The following ERBB4 variants were observed in gnomAD, a reference collection of about 807,000 sequenced individuals.
ERBB4 encodes receptor tyrosine-protein kinase erbB-4.
Under a neutral mutation model 158.0 loss-of-function variants are expected in ERBB4, and 42 were observed. The ratio of observed to expected loss-of-function variants is 0.27; its 90% CI spans 0.21 to 0.34. The LOEUF (loss-of-function observed/expected upper bound fraction) is 0.34, where lower values mean the gene tolerates loss of function less well. Among genes scored for constraint, ERBB4 ranks in the 10% least tolerant of loss-of-function variants. The pLI is 1.00. For synonymous variants in ERBB4, 583 were observed against 558.7 expected, an observed-to-expected ratio of 1.04 and a Z score of -0.61; for missense variants, 1,333 against 1,624.1, an observed-to-expected ratio of 0.82 and a Z score of 3.08.
chr2:211,649,560 A>C (rs1476133481), intron 16 of ERBB4, among the ~76,000 whole-genome samples: 1 of 151,896 alleles, frequency 6.6e-6, no homozygotes, highest in Non-Finnish European at 1.5e-5. Context: ...TTGCTTTGTA[A>C]ATTTATCTTG....
intron 1 of ERBB4, among the ~76,000 whole-genome samples, chr2:212,459,281 T>C (rs934721192): frequency 5.9e-5 from 9 of 152,068 alleles, no homozygotes; most frequent in African/African-American, 2.2e-4. Flanking sequence ...TACACAACTG[T>C]CAATTTATTA....
intron 2 of ERBB4, among the ~76,000 whole-genome samples, chr2:212,119,007 A>G (rs1362075588): frequency 1.3e-5 from 2 of 151,978 alleles, no homozygotes; most frequent in African/African-American, 4.8e-5. Context: ...ATTTTTATTC[A>G]TTTATTAGAA....
At chr2:212,273,730 CT>C (rs1421233567) in intron 1 of ERBB4, among the ~76,000 whole-genome samples, 1 of 151,658 alleles carries the variant, frequency 6.6e-6, no homozygotes, top group African/African-American at 2.4e-5. Context: ...GGATGGTTTC[CT>C]TCACATATAT....
At chr2:212,335,558 G>C (rs922119928) in intron 1 of ERBB4, among the ~76,000 whole-genome samples, 2 of 151,900 alleles carry the variant, frequency 1.3e-5, no homozygotes. Context: ...ATTTTCGTTT[G>C]ATTCAATTAA....
intron 3 of ERBB4, among the ~76,000 whole-genome samples, chr2:211,869,427 C>T (rs1200078305): frequency 2.0e-5 from 3 of 152,150 alleles, no homozygotes; most frequent in Non-Finnish European, 4.4e-5. Context: ...ATATTTCCAA[C>T]CTTCCCAGTT....
chr2:212,216,664 T>C (rs927874856), intron 1 of ERBB4, among the ~76,000 whole-genome samples: 1 of 151,262 alleles, frequency 6.6e-6, no homozygotes, highest in African/African-American at 2.4e-5. Context: ...CAAATATGAG[T>C]GTCAAACTTC....
At position 211,420,626 on chromosome 2, in the gene ERBB4, G is replaced by T. The variant is rs781594620; in HGVS notation, c.2965-15C>A. Reference sequence around the variant, plus strand: ...CGATCATCACCCTAAAAGAAAGATTGCCCATCAGACACAAATATGATTCTT... The same window carrying T: ...CGATCATCACCCTAAAAGAAAGATTTCCCATCAGACACAAATATGATTCTT... On this transcript the variant is annotated splice_polypyrimidine_tract_variant and intron_variant, in intron 24 of 27. Coordinates refer to ENST00000342788, the MANE Select transcript of ERBB4 (RefSeq NM_005235.3). 6.2e-7 allele frequency: 1 copy of T among 1,604,362 alleles called. No individual in the cohort carries two copies. Among genetic ancestry groups the T allele is most frequent in the East Asian group, 2.2e-5 (1 of 44,716 alleles).
At chr2:212,467,852 T>C (rs781492969) in intron 1 of ERBB4, among the ~76,000 whole-genome samples, 3 of 152,112 alleles carry the variant, frequency 2.0e-5, no homozygotes, top group Admixed American at 1.3e-4. Context: ...CACCCGCCCA[T>C]GAAAGCAGCT....
In ERBB4 at chr2:212,299,289, T is replaced by C. The variant is rs561173645; in HGVS notation, c.83-174386A>G. ...ACTTTTGCCATACATTTTGGAATCA[T>C]TATGGTTCATTAAATCCTAATATTG... On this transcript the variant is annotated intron_variant, in intron 1 of 27. Transcript: ENST00000342788. Among the ~76,000 whole-genome samples, 10 of 151,812 alleles carry C rather than the reference T, an allele frequency of 6.6e-5. No homozygotes were observed. In the South Asian group the frequency reaches 1.9e-3, roughly 28 times the overall value.
Position 211,787,069 on chromosome 2 carries a change from C to T in ERBB4, c.556+956G>A, listed in dbSNP as rs192299162. Among the ~76,000 whole-genome samples the T allele has an allele frequency of 1.8e-4, 27 of 152,200 alleles. 1 individual carries two copies. The East Asian group carries it at 5.2e-3, about 29-fold the overall frequency. ...CATATTTCCCATTATATTATTAGGGCCATGATGAAATTTAATAATTGTCCC... is the reference window on the plus strand; with the variant it reads ...CATATTTCCCATTATATTATTAGGGTCATGATGAAATTTAATAATTGTCCC... On this transcript the variant is annotated intron_variant, in intron 4 of 27. Coordinates refer to ENST00000342788, the MANE Select transcript of ERBB4 (RefSeq NM_005235.3).
chr2:211,670,225 GC>G (rs1487701237), intron 14 of ERBB4, among the ~76,000 whole-genome samples: 2 of 152,068 alleles, frequency 1.3e-5, no homozygotes, highest in East Asian at 3.9e-4. Context: ...CCAGAAACAG[GC>G]AAAAACCTAA....
At position 211,547,298 on chromosome 2, in the gene ERBB4, A is replaced by C. The variant is rs963252541; in HGVS notation, c.2487+14605T>G. 2.0e-5 allele frequency among the ~76,000 whole-genome samples: 3 copies of C among 152,118 alleles called. No homozygotes were observed. The East Asian group carries it at 5.8e-4, about 29-fold the overall frequency. ...TGGAGAAAAAAAATTGGTTGTGATC[A>C]ATTGTGGAAGTAAGTTAATCTGTGT... is the stretch of plus-strand genomic sequence containing the variant. On this transcript the variant is annotated intron_variant, in intron 20 of 27. Coordinates refer to ENST00000342788, the MANE Select transcript of ERBB4 (RefSeq NM_005235.3).
At chr2:211,620,651 G>T (rs1296355600) in intron 18 of ERBB4, among the ~76,000 whole-genome samples, 14 of 151,952 alleles carry the variant, frequency 9.2e-5, no homozygotes, top group Non-Finnish European at 2.1e-4. Flanking sequence ...AGAAAATAAA[G>T]CAGAAACAGA....
intron 4 of ERBB4, among the ~76,000 whole-genome samples, chr2:211,780,279 G>C (rs1412884907): frequency 6.6e-6 from 1 of 152,130 alleles, no homozygotes; most frequent in Non-Finnish European, 1.5e-5. Flanking sequence ...CAGGAGGATT[G>C]CCTGAACCCA....
At chr2:212,473,807 T>A (rs1363959580) in intron 1 of ERBB4, among the ~76,000 whole-genome samples, 1 of 152,068 alleles carries the variant, frequency 6.6e-6, no homozygotes, top group Non-Finnish European at 1.5e-5. Context: ...CTAATATGAG[T>A]TTATGGTAAA....
At chr2:212,192,138 C>CTATAATA (rs76039112) in intron 1 of ERBB4, among the ~76,000 whole-genome samples, 25,235 of 114,448 alleles carry the variant, frequency 0.22, 2,649 homozygotes, top group Non-Finnish European at 0.25. Flanking sequence ...GTTATGTTAT[C>CTATAATA]TATATGTTAT....
At chr2:211,588,052 T>C (rs2068340988) in intron 19 of ERBB4, among the ~76,000 whole-genome samples, 1 of 152,222 alleles carries the variant, frequency 6.6e-6, no homozygotes, top group African/African-American at 2.4e-5. Flanking sequence ...GTTTTCTATG[T>C]ACTAACTTAA....
chr2:212,418,682 GCTT>G (rs2091717943), intron 1 of ERBB4, among the ~76,000 whole-genome samples: 1 of 151,646 alleles, frequency 6.6e-6, no homozygotes, highest in Admixed American at 6.6e-5. Flanking sequence ...CTTGAGAAAT[GCTT>G]CTTAACAAAA....
chr2:211,725,623 A>C (rs1310868748), intron 5 of ERBB4, among the ~76,000 whole-genome samples: 1 of 152,140 alleles, frequency 6.6e-6, no homozygotes, highest in Non-Finnish European at 1.5e-5. Flanking sequence ...TCTGTCTCTA[A>C]AATTAAAAAC....
Sources: allele counts gnomAD v4.1 joint callset (sites outside exome capture counted in the v4.1 genomes callset), GRCh38; gene constraint gnomAD v4.1.1; transcripts MANE v1.5; gene names NCBI Gene and HGNC (gene_info 2026-07-23, HGNC 2026-07-21).